Variants in UBE4B observed in about 807,000 individuals in gnomAD.
UBE4B encodes the protein ubiquitin conjugation factor E4 B.
A neutral mutation model predicts 148.1 loss-of-function variants in UBE4B; 27 were observed. That is an observed-to-expected ratio of 0.18 (90% confidence interval 0.13 to 0.25). UBE4B has a LOEUF of 0.25. UBE4B is among the 10% of genes least tolerant of loss of function. The probability of loss-of-function intolerance (pLI) is 1.00; values close to 1 mark genes in which losing one functional copy is unlikely to be tolerated. For missense variants in UBE4B, 1,170 were observed against 1,662.4 expected, an observed-to-expected ratio of 0.70 and a Z score of 5.15; for synonymous variants, 596 against 619.3, an observed-to-expected ratio of 0.96 and a Z score of 0.56.
intron 21 of UBE4B, among the ~76,000 whole-genome samples, chr1:10,155,349 C>T (rs947610799): frequency 2.6e-5 from 4 of 152,168 alleles, no homozygotes; most frequent in East Asian, 1.9e-4. Context: ...TTAATCCCCA[C>T]GGCAGTCCTA....
chr1:10,132,393 A>G lies in UBE4B; in HGVS notation c.1936A>G (p.Ser646Gly). 2 of 1,614,048 alleles carry G rather than the reference A, an allele frequency of 1.2e-6. No homozygotes were observed. The highest frequency in any genetic ancestry group is 1.1e-5 in the South Asian group (1 of 91,056). ...GRQELFKILH[S>G]ILLNGETREA... ...GCAAGAGCTTTTTAAGATTCTGCAT[A>G]GTATTTTGTTAAATGGCGAAACCCG... Residue 646 changes from serine to glycine, a missense_variant, in exon 15 of 28, where the codon AGT (serine) becomes GGT (glycine). By Grantham distance (56) the Ser-to-Gly change is moderately conservative. Transcript: ENST00000343090.
At chr1:10,122,135 T>TCTC in intron 10 of UBE4B, 59 bp downstream of exon 10, 1 of 1,214,608 alleles carries the variant, frequency 8.2e-7, no homozygotes, top group Non-Finnish European at 1.2e-6. Context: ...ATGTCGAGGC[T>TCTC]AATTTCTGAC....
intron 1 of UBE4B, among the ~76,000 whole-genome samples, chr1:10,043,970 G>A (rs1296167543): frequency 2.0e-5 from 3 of 152,174 alleles, no homozygotes; most frequent in Non-Finnish European, 4.4e-5. Flanking sequence ...CAGGAGGTGG[G>A]GTGTCCATTT....
intron 7 of UBE4B, among the ~76,000 whole-genome samples, chr1:10,115,681 A>C (rs1645296831): frequency 6.6e-6 from 1 of 152,212 alleles, no homozygotes; most frequent in African/African-American, 2.4e-5. Flanking sequence ...ATTCTGAGAA[A>C]TGGATCGTTA....
At chr1:10,154,758 C>T (rs898727325) in intron 21 of UBE4B, among the ~76,000 whole-genome samples, 2 of 151,768 alleles carry the variant, frequency 1.3e-5, no homozygotes, top group Non-Finnish European at 2.9e-5. Flanking sequence ...AGATGAATCA[C>T]TTGAATCAGG....
chr1:10,084,043 C>G (rs1250865943), intron 2 of UBE4B, among the ~76,000 whole-genome samples: 1 of 152,050 alleles, frequency 6.6e-6, no homozygotes, highest in Non-Finnish European at 1.5e-5. Flanking sequence ...CCCATTTTTG[C>G]TAACCTGGTC....
intron 5 of UBE4B, among the ~76,000 whole-genome samples, chr1:10,104,733 C>T (rs1645078153): frequency 6.6e-6 from 1 of 152,166 alleles, no homozygotes; most frequent in Non-Finnish European, 1.5e-5. Flanking sequence ...ATCTGTCTTA[C>T]ACATGTAAGT....
At chr1:10,060,944 C>T (rs1461713568) in intron 1 of UBE4B, among the ~76,000 whole-genome samples, 1 of 152,122 alleles carries the variant, frequency 6.6e-6, no homozygotes, top group Admixed American at 6.6e-5. Flanking sequence ...AGTCATCTTA[C>T]TATGCTGCTC....
intron 2 of UBE4B, among the ~76,000 whole-genome samples, chr1:10,093,038 A>G (rs146287463): frequency 9.8e-5 from 15 of 152,334 alleles, no homozygotes; most frequent in African/African-American, 2.4e-4. Flanking sequence ...ATGTTACACT[A>G]TGTGATATAC....
intron 17 of UBE4B, among the ~76,000 whole-genome samples, chr1:10,140,470 C>T (rs556088542): frequency 2.0e-5 from 3 of 152,288 alleles, no homozygotes; most frequent in South Asian, 2.1e-4. Context: ...ATTTTCTGTT[C>T]AAGTTTTCCT....
chr1:10,106,045 A>C lies in UBE4B; in HGVS notation c.810-152A>C, dbSNP rs1487915196. The C allele has an allele frequency of 1.0e-6, 1 of 957,892 alleles. No homozygotes were observed. Among genetic ancestry groups the C allele is most frequent in the Non-Finnish European group, 1.5e-6 (1 of 665,048 alleles). 59.3% of individuals were successfully genotyped at this position (957,892 alleles called of 1,614,324 possible). A position where few individuals can be genotyped will look rare whatever the true frequency, so the allele number is the denominator to read the frequency against. ...AGTATAGCCTCTAGATCAATAGGGC[A>C]ATTAGATTATAATTATTTAGATGTT... On this transcript the variant is annotated intron_variant, in intron 6 of 27. Coordinates refer to ENST00000343090, the MANE Select transcript of UBE4B (RefSeq NM_001105562.3). The surrounding 1 kb of genome is among the most constrained non-coding windows in gnomAD (Gnocchi z 4.2).
At chr1:10,134,858 G>T in intron 15 of UBE4B, 130 bp from the exon 16 acceptor site, 2 of 707,538 alleles carry the variant, frequency 2.8e-6, no homozygotes, top group Non-Finnish European at 4.6e-6. Flanking sequence ...AGGATTGCTT[G>T]AGCCTGGGAG....
intron 1 of UBE4B, among the ~76,000 whole-genome samples, chr1:10,034,445 G>GT (rs1643423184): frequency 6.6e-6 from 1 of 151,442 alleles, no homozygotes; most frequent in South Asian, 2.1e-4. Context: ...ACTTCTTGAT[G>GT]TTTTAAAGAT....
chr1:10,128,385 A>G (rs1570941959), intron 11 of UBE4B: 1 of 152,276 alleles, frequency 6.6e-6, no homozygotes, highest in Non-Finnish European at 1.5e-5. Context: ...GAGAGGCAGG[A>G]AGCGGAAGAC....
intron 9 of UBE4B, 142 bp from the exon 10 acceptor site, chr1:10,121,820 C>CT (rs1645415834): frequency 1.9e-6 from 1 of 515,190 alleles, no homozygotes. Flanking sequence ...GAAGGGTTAG[C>CT]TTTCGCCTGA....
intron 2 of UBE4B, among the ~76,000 whole-genome samples, chr1:10,075,565 C>T (rs112550785): frequency 9.9e-5 from 15 of 152,214 alleles, no homozygotes; most frequent in Admixed American, 2.0e-4. Flanking sequence ...ATTCCCTAAA[C>T]GGTTAGTTCT....
chr1:10,118,584 A>T (rs560923627), intron 8 of UBE4B, among the ~76,000 whole-genome samples: 75 of 151,706 alleles, frequency 4.9e-4, no homozygotes, highest in African/African-American at 1.7e-3. Flanking sequence ...GGCTCACCGC[A>T]ACCTCTGCCT....
In UBE4B at chr1:10,129,276, G is replaced by A. The variant is rs986957983; in HGVS notation, c.1639-116G>A. The A allele has an allele frequency of 5.1e-6, 4 of 779,896 alleles. No homozygotes were observed. In the African/African-American group the frequency reaches 6.7e-5, roughly 13 times the overall value. 48.3% of individuals were successfully genotyped at this position (779,896 alleles called of 1,614,324 possible). A position where few individuals can be genotyped will look rare whatever the true frequency, so the allele number is the denominator to read the frequency against. On this transcript the variant is annotated intron_variant, in intron 11 of 27. Coordinates refer to ENST00000343090, the MANE Select transcript of UBE4B (RefSeq NM_001105562.3). ...TGCTGCCATTTCAGAGGGAATGCAT[G>A]TGTGCCATTTTAGAGGGAACGAATT... is the stretch of plus-strand genomic sequence containing the variant.
chr1:10,154,855 A>G (rs1235744000), intron 21 of UBE4B, among the ~76,000 whole-genome samples: 3 of 152,132 alleles, frequency 2.0e-5, no homozygotes, highest in Non-Finnish European at 4.4e-5. Flanking sequence ...AAAAAAAAAA[A>G]AGGAATGTAG....
Sources: allele counts gnomAD v4.1 joint callset (sites outside exome capture counted in the v4.1 genomes callset), GRCh38; gene constraint gnomAD v4.1.1; non-coding constraint Gnocchi (gnomAD v3.1); transcripts MANE v1.5; gene names NCBI Gene and HGNC (gene_info 2026-07-23, HGNC 2026-07-21).